Variants in TAF6 observed in about 807,000 individuals in gnomAD.
TAF6 encodes TATA-box binding protein associated factor 6.
TAF6 carries 50 observed loss-of-function variants against 73.5 expected under a neutral mutation model. That is an observed-to-expected ratio of 0.68 (90% confidence interval 0.54 to 0.86). The LOEUF (loss-of-function observed/expected upper bound fraction) is 0.86. Among genes scored for constraint, TAF6 ranks in the 40% least tolerant of loss-of-function variants. TAF6 has a pLI of 0.00. For synonymous variants in TAF6, 424 were observed against 376.7 expected, an observed-to-expected ratio of 1.13 and a Z score of -1.45; for missense variants, 768 against 899.5, an observed-to-expected ratio of 0.85 and a Z score of 1.87.
upstream of TAF6, chr7:100,122,375 T>C (rs1269587255): frequency 1.9e-6 from 3 of 1,614,152 alleles, no homozygotes; most frequent in Non-Finnish European, 2.5e-6. Context: ...ACACGTGCCT[T>C]ACAGCGTTTC....
chr7:100,121,110 A>ATTTTTTTTTTTTTT (rs1798036782), upstream of TAF6: 11 of 28,394 alleles, frequency 3.9e-4, no homozygotes, highest in Non-Finnish European at 5.5e-4. Flanking sequence ...ATATATATAT[A>ATTTTTTTTTTTTTT]TATATATTTT....
At chr7:100,122,147 G>T (rs1831123350), upstream of TAF6, 4 of 1,381,314 alleles carry the variant, frequency 2.9e-6, no homozygotes, top group Non-Finnish European at 4.0e-6. Context: ...AACCCAGCCA[G>T]TCTGGCTCCA....
Position 100,112,095 on chromosome 7 carries a change from G to A in TAF6, c.720+13C>T, listed in dbSNP as rs951630370. ...GGCGTCTCAGGGCCAGGGCAAGCTG[G>A]TGGGGCCCTCACCGCCCTCTTGGCC... On this transcript the variant is annotated intron_variant, in intron 7 of 14. Coordinates refer to ENST00000453269, the MANE Select transcript of TAF6 (RefSeq NM_139315.3). The A allele has an allele frequency of 1.5e-5, 24 of 1,613,452 alleles. No individual in the cohort carries two copies. The highest frequency in any genetic ancestry group is 1.9e-5 in the Non-Finnish European group (22 of 1,179,694).
upstream of TAF6, chr7:100,124,355 T>C (rs1464345207): frequency 9.9e-6 from 6 of 603,594 alleles, no homozygotes; most frequent in Non-Finnish European, 1.8e-5. Flanking sequence ...TGCTGGTAAA[T>C]GTTTGTTGAA....
the TAF6 span, chr7:100,125,082 G>T: frequency 1.7e-6 from 1 of 592,514 alleles, no homozygotes; most frequent in South Asian, 2.4e-5. Flanking sequence ...GAGGGTGGGG[G>T]TGGAGGTCCT....
Position 100,110,265 on chromosome 7 carries a change from C to T in TAF6, c.1093G>A (p.Asp365Asn), listed in dbSNP as rs540620500. 6.8e-6 allele frequency: 11 copies of T among 1,614,064 alleles called. No individual in the cohort carries two copies. The highest frequency in any genetic ancestry group is 5.3e-5 in the African/African-American group (4 of 75,016). ...ITKTFTKSWVDEKTPWTTRYG... is the reference protein window; with the variant it reads ...ITKTFTKSWVNEKTPWTTRYG... ...CGAGTCGTCCAGGGCGTCTTCTCGT[C>T]CACCCAGCTCTGTAAGGGGAAGGAA... The change falls in exon 11 of 15, where the codon GAC (aspartate) becomes AAC (asparagine). Residue 365 changes from aspartate (D) to asparagine (N), a missense_variant. Transcript: ENST00000453269.
chr7:100,108,537 G>GTT lies in TAF6; in HGVS notation c.1286_1287dup (p.His430AsnfsTer54). On this transcript the variant is annotated frameshift_variant, in exon 13 of 15. Coordinates refer to ENST00000453269, the MANE Select transcript of TAF6 (RefSeq NM_139315.3). LOFTEE classifies it high-confidence loss of function. ...AGCTTTGCCAGAACAGGAGCACAGT[G>GTT]TTTCTGCAGAACAGAAAAAAAGCCA... 6.2e-7 allele frequency: 1 copy of GTT among 1,602,516 alleles called. No individual in the cohort carries two copies.
chr7:100,112,751 G>T, intron 6 of TAF6, 47 bp downstream of exon 6: 1 of 1,545,568 alleles, frequency 6.5e-7, no homozygotes. Flanking sequence ...AAACGGCCAT[G>T]TGGCTTTGGG....
Position 100,108,139 on chromosome 7 carries a change from GA to G in TAF6, c.1459-17del, listed in dbSNP as rs778414796. On this transcript the variant is annotated splice_polypyrimidine_tract_variant and intron_variant, in intron 13 of 14. Transcript: ENST00000453269. ...TGGGCCGGGGCTGCGGGGAGAAGAG[GA>G]AAGGGGGAAGTGGCACCATCTACTA... 2.5e-6 allele frequency: 4 copies of G among 1,581,384 alleles called. No individual in the cohort carries two copies. In the South Asian group the frequency reaches 3.4e-5, roughly 14 times the overall value.
intron 7 of TAF6, 47 bp downstream of exon 7, chr7:100,112,061 C>A: frequency 6.2e-7 from 1 of 1,613,744 alleles, no homozygotes; most frequent in Non-Finnish European, 8.5e-7. Context: ...CATAGGGCCC[C>A]CAGGAGGAGG....
chr7:100,113,841 C>A (rs4134900), intron 3 of TAF6, 27 bp downstream of exon 3: 157 of 1,608,016 alleles, frequency 9.8e-5, no homozygotes, highest in African/African-American at 2.8e-4. Flanking sequence ...GCGTCTCACC[C>A]CCCCCCCGCC....
upstream of TAF6, chr7:100,124,315 A>G (rs1798156492): frequency 1.8e-6 from 1 of 545,340 alleles, no homozygotes; most frequent in Non-Finnish European, 3.3e-6. Context: ...CTGAGACTCA[A>G]GAGTTTAATA....
At chr7:100,108,720 A>T in intron 12 of TAF6, 180 bp from the exon 13 acceptor site, 1 of 571,538 alleles carries the variant, frequency 1.7e-6, no homozygotes, top group Non-Finnish European at 2.9e-6. Flanking sequence ...TGTACAGAAC[A>T]CTGTGGGCTT....
At chr7:100,119,558 G>C, upstream of TAF6, 2 of 1,399,802 alleles carry the variant, frequency 1.4e-6, no homozygotes, top group South Asian at 1.4e-5. Context: ...TTCAAGAGGC[G>C]CCACAAAACG....
chr7:100,119,054 G>A, intron 1 of TAF6, 150 bp downstream of exon 1: 53 of 985,940 alleles, frequency 5.4e-5, no homozygotes, highest in Non-Finnish European at 6.4e-5. Flanking sequence ...CCAGGGAAGG[G>A]TTAACTTAAG....
At chr7:100,112,708 C>A in intron 6 of TAF6, 90 bp downstream of exon 6, 1 of 1,479,774 alleles carries the variant, frequency 6.8e-7, no homozygotes, top group South Asian at 1.4e-5. Flanking sequence ...GAGTGAGACT[C>A]TGTCTCAAAA....
chr7:100,113,220 T>C (rs745329415), intron 5 of TAF6, 129 bp downstream of exon 5: 51 of 935,304 alleles, frequency 5.5e-5, no homozygotes, highest in Middle Eastern at 3.4e-4. Flanking sequence ...TGAGCCAAGA[T>C]TGAGCCACTG....
upstream of TAF6, chr7:100,122,774 A>C (rs750580185): frequency 1.9e-6 from 3 of 1,608,900 alleles, no homozygotes; most frequent in African/African-American, 1.3e-5. Context: ...CCAAATTCTT[A>C]ATCTCTCAGG....
intron 10 of TAF6, among the ~76,000 whole-genome samples, chr7:100,110,676 C>T (rs1332002683): frequency 6.6e-6 from 1 of 152,022 alleles, no homozygotes. Flanking sequence ...CTGGGTGTGG[C>T]GGCACATGCC....
Sources: gnomAD v4.1 joint callset for allele counts (sites outside exome capture counted in the v4.1 genomes callset) on GRCh38, gnomAD v4.1.1 for gene constraint, MANE v1.5 for transcripts, NCBI Gene and HGNC (gene_info 2026-07-23, HGNC 2026-07-21) for gene names.